Variants in GDAP1L1 observed in about 807,000 individuals in gnomAD.
The protein encoded by GDAP1L1 is ganglioside induced differentiation associated protein 1 like 1, also known as ganglioside-induced differentiation-associated protein 1-like 1.
In GDAP1L1, 21 loss-of-function variants were observed where a neutral mutation model predicts 37.1. The observed-to-expected ratio is 0.57, with a 90% CI of 0.40 to 0.81. The LOEUF (loss-of-function observed/expected upper bound fraction) is 0.81, where lower values mean the gene tolerates loss of function less well. GDAP1L1 is among the 40% of genes least tolerant of loss of function. The probability of loss-of-function intolerance (pLI) is 0.00; values close to 1 mark genes in which losing one functional copy is unlikely to be tolerated. For missense variants in GDAP1L1, 362 were observed against 491.6 expected, an observed-to-expected ratio of 0.74 and a Z score of 2.49; for synonymous variants, 193 against 209.1, an observed-to-expected ratio of 0.92 and a Z score of 0.67.
chr20:44,271,425 G>T (rs2062514580), intron 5 of GDAP1L1, among the ~76,000 whole-genome samples: 1 of 152,186 alleles, frequency 6.6e-6, no homozygotes, highest in Non-Finnish European at 1.5e-5. Flanking sequence ...AATGGTGTCA[G>T]TGCTGCTGGG....
At chr20:44,251,452 A>C (rs1418920697) in intron 1 of GDAP1L1, among the ~76,000 whole-genome samples, 1 of 152,204 alleles carries the variant, frequency 6.6e-6, no homozygotes, top group African/African-American at 2.4e-5. Context: ...AGGCCAGTTC[A>C]GACACCCAGG....
At chr20:44,256,759 T>A (rs937550448) in intron 1 of GDAP1L1, among the ~76,000 whole-genome samples, 1 of 152,142 alleles carries the variant, frequency 6.6e-6, no homozygotes, top group East Asian at 1.9e-4. Flanking sequence ...CGATCACAAA[T>A]TGAGTGCCAA....
intron 5 of GDAP1L1, among the ~76,000 whole-genome samples, chr20:44,278,379 C>CTTTA (rs960478650): frequency 4.0e-5 from 6 of 151,766 alleles, no homozygotes; most frequent in South Asian, 4.2e-4. Flanking sequence ...CATATTTGCA[C>CTTTA]TTTATTTATT....
chr20:44,254,564 T>C (rs1426602515), intron 1 of GDAP1L1, among the ~76,000 whole-genome samples: 3 of 152,312 alleles, frequency 2.0e-5, no homozygotes, highest in Admixed American at 2.0e-4. Context: ...CTGTGAACAC[T>C]GAATCCAGCC....
intron 1 of GDAP1L1, among the ~76,000 whole-genome samples, chr20:44,252,179 C>T (rs112601985): frequency 6.7e-4 from 102 of 152,356 alleles, no homozygotes; most frequent in African/African-American, 2.4e-3. Context: ...TGAATTAATT[C>T]ATGGACCCCT....
chr20:44,268,300 A>G (rs1014044761), intron 5 of GDAP1L1, among the ~76,000 whole-genome samples: 2 of 152,250 alleles, frequency 1.3e-5, no homozygotes, highest in African/African-American at 4.8e-5. Context: ...TCAAACTCAT[A>G]GCAGGGTTGC....
chr20:44,260,865 G>T (rs1376856484), intron 3 of GDAP1L1, among the ~76,000 whole-genome samples: 5 of 152,184 alleles, frequency 3.3e-5, no homozygotes, highest in Non-Finnish European at 5.9e-5. Context: ...TGGAGAAACG[G>T]TGATGGGAAG....
At chr20:44,275,213 T>C (rs745956800) in intron 5 of GDAP1L1, among the ~76,000 whole-genome samples, 6 of 152,162 alleles carry the variant, frequency 3.9e-5, no homozygotes, top group African/African-American at 1.4e-4. Context: ...CCTTGAAGAT[T>C]ACCTATTCAA....
At chr20:44,261,028 G>T (rs1185246497) in intron 3 of GDAP1L1, among the ~76,000 whole-genome samples, 1 of 152,210 alleles carries the variant, frequency 6.6e-6, no homozygotes, top group Non-Finnish European at 1.5e-5. Flanking sequence ...CCTCAATCTT[G>T]CCCTGAGCCA....
intron 5 of GDAP1L1, among the ~76,000 whole-genome samples, chr20:44,267,126 C>A (rs2073772457): frequency 6.6e-6 from 1 of 152,110 alleles, no homozygotes; most frequent in African/African-American, 2.4e-5. Flanking sequence ...ACAGTCCAGC[C>A]CAGAAAAATC....
chr20:44,258,097 T>TG, intron 2 of GDAP1L1: 1 of 713,504 alleles, frequency 1.4e-6, no homozygotes, highest in South Asian at 1.5e-5. Context: ...TAAAAGAATG[T>TG]GAGTTGGTTG....
At chr20:44,268,765 G>C (rs1368707037) in intron 5 of GDAP1L1, among the ~76,000 whole-genome samples, 1 of 152,222 alleles carries the variant, frequency 6.6e-6, no homozygotes, top group Non-Finnish European at 1.5e-5. Flanking sequence ...ATGGTCTGCT[G>C]TGTGGGGAGT....
At chr20:44,265,387 T>G (rs1028866449) in intron 5 of GDAP1L1, 7 of 985,330 alleles carry the variant, frequency 7.1e-6, no homozygotes, top group African/African-American at 7.0e-5. Context: ...CTTCCCATCT[T>G]GCTCCGTTTA....
chr20:44,248,120 G>C (rs990107140), intron 1 of GDAP1L1, among the ~76,000 whole-genome samples: 7 of 152,218 alleles, frequency 4.6e-5, no homozygotes, highest in African/African-American at 9.6e-5. Flanking sequence ...ACACCAGCTC[G>C]GCTCAGCCCA....
At chr20:44,265,004 C>G (rs574254348) in intron 5 of GDAP1L1, 1 of 985,316 alleles carries the variant, frequency 1.0e-6, no homozygotes, top group African/African-American at 1.7e-5. Flanking sequence ...CAACTGATAC[C>G]ACAAGCACAA....
intron 5 of GDAP1L1, among the ~76,000 whole-genome samples, chr20:44,276,487 C>T (rs1415214164): frequency 2.5e-5 from 3 of 119,618 alleles, no homozygotes; most frequent in Non-Finnish European, 5.6e-5. Context: ...AGAAAGCAAG[C>T]AAGCAGGGAG....
In GDAP1L1 at chr20:44,247,495, A is replaced by G; in HGVS notation, c.161A>G (p.Gln54Arg). The G allele has an allele frequency of 6.5e-7, 1 of 1,547,766 alleles. No homozygotes were observed. Among genetic ancestry groups the G allele is most frequent in the South Asian group, 1.2e-5 (1 of 84,818 alleles). Reference protein sequence around the residue: ...RESLVLYHWTQSFSSQKVRLV... With the variant: ...RESLVLYHWTRSFSSQKVRLV... ...AGCCTGGTTCTGTACCACTGGACCC[A>G]GTCCTTCAGCTCGCAGAAGGTAGAG... is the stretch of plus-strand genomic sequence containing the variant. Residue 54 changes from glutamine to arginine, a missense_variant, in exon 1 of 6, where the codon CAG becomes CGG. Transcript: ENST00000342560.
chr20:44,252,135 C>T (rs1369497891), intron 1 of GDAP1L1, among the ~76,000 whole-genome samples: 1 of 152,218 alleles, frequency 6.6e-6, no homozygotes, highest in African/African-American at 2.4e-5. Flanking sequence ...TGAAAATAAA[C>T]ATGTAATTTT....
chr20:44,247,614 G>T, intron 1 of GDAP1L1, 100 bp downstream of exon 1: 2 of 1,155,898 alleles, frequency 1.7e-6, no homozygotes, highest in Non-Finnish European at 2.4e-6. Context: ...GACTGGAGGG[G>T]GGAACCTGGG....
Sources: allele counts gnomAD v4.1 joint callset (sites outside exome capture counted in the v4.1 genomes callset), GRCh38; gene constraint gnomAD v4.1.1; transcripts MANE v1.5; gene names NCBI Gene and HGNC (gene_info 2026-07-23, HGNC 2026-07-21).